Variants in RP1 observed in about 807,000 individuals in gnomAD.
The protein encoded by RP1 is oxygen-regulated protein 1.
A neutral mutation model predicts 14.8 loss-of-function variants in RP1; 16 were observed. That is an observed-to-expected ratio of 1.08 (90% CI 0.73 to 1.65). The LOEUF is 1.65. Among genes scored for constraint, RP1 ranks in the 40% most tolerant of loss-of-function variants. The pLI, the probability that RP1 is intolerant of heterozygous loss-of-function variation, is 0.00. For missense variants in RP1, 2,631 were observed against 2,535.0 expected, an observed-to-expected ratio of 1.04 and a Z score of -0.81; for synonymous variants, 876 against 883.6, an observed-to-expected ratio of 0.99 and a Z score of 0.15.
At chr8:54,655,695 CA>C (rs1186409391) in intron 5 of RP1, among the ~76,000 whole-genome samples, 3 of 152,228 alleles carry the variant, frequency 2.0e-5, no homozygotes, top group South Asian at 4.2e-4. Context: ...CCATGTTTGA[CA>C]TAAACATTTC....
chr8:54,631,658 G>A (rs974670964), downstream of RP1, among the ~76,000 whole-genome samples: 6 of 150,828 alleles, frequency 4.0e-5, no homozygotes, highest in African/African-American at 1.2e-4. Flanking sequence ...GAAAATCAAT[G>A]CTCTTTTTAC....
At chr8:54,817,137 A>G (rs1437874904) in intron 24 of RP1, among the ~76,000 whole-genome samples, 2 of 152,064 alleles carry the variant, frequency 1.3e-5, no homozygotes, top group Non-Finnish European at 2.9e-5. Context: ...TTGTCTCATT[A>G]GACATCTCTG....
chr8:54,589,745 C>A (rs1170782239), intron 1 of RP1, among the ~76,000 whole-genome samples: 1 of 152,114 alleles, frequency 6.6e-6, no homozygotes, highest in African/African-American at 2.4e-5. Flanking sequence ...TTTTCCCCAC[C>A]AAATATGCAT....
Position 54,625,321 on chromosome 8 carries a change from T to C in RP1, c.1439T>C (p.Ile480Thr), listed in dbSNP as rs753472746. ...VSETEVQEKM[I>T]GQFSYSEERE... Reference sequence around the variant, plus strand: ...GAAACTGAGGTTCAAGAGAAAATGATTGGACAGTTTTCATATAGTGAAGAA... The same window carrying C: ...GAAACTGAGGTTCAAGAGAAAATGACTGGACAGTTTTCATATAGTGAAGAA... The change falls in exon 4 of 4, where the codon ATT becomes ACT. Residue 480 changes from isoleucine to threonine, a missense_variant. Physicochemically the swap from Ile to Thr is moderately conservative, Grantham distance 89. Transcript: ENST00000220676. The C allele has an allele frequency of 6.8e-6, 11 of 1,614,044 alleles. No individual in the cohort carries two copies. The highest frequency in any genetic ancestry group is 6.6e-5 in the South Asian group (6 of 91,082).
chr8:54,833,576 AG>A (rs1811588158), intron 24 of RP1, among the ~76,000 whole-genome samples: 1 of 152,062 alleles, frequency 6.6e-6, no homozygotes, highest in South Asian at 2.1e-4. Flanking sequence ...TGTTAGAAAA[AG>A]TTAAAGATCC....
intron 1 of RP1, among the ~76,000 whole-genome samples, chr8:54,605,974 G>T (rs1805430893): frequency 6.6e-6 from 1 of 151,386 alleles, no homozygotes; most frequent in Non-Finnish European, 1.5e-5. Flanking sequence ...ACAGCACACT[G>T]ATGGGTCTTG....
chr8:54,855,608 G>A (rs1357612772), intron 26 of RP1, among the ~76,000 whole-genome samples: 1 of 152,154 alleles, frequency 6.6e-6, no homozygotes, highest in East Asian at 1.9e-4. Flanking sequence ...CAAAAGACTT[G>A]TTTGCAGACT....
At chr8:54,668,493 A>G (rs970344615) in intron 7 of RP1, among the ~76,000 whole-genome samples, 1 of 152,198 alleles carries the variant, frequency 6.6e-6, no homozygotes, top group Non-Finnish European at 1.5e-5. Context: ...TCAAGCTACT[A>G]ATGACTTTCT....
chr8:54,731,910 C>T (rs901781461), intron 17 of RP1, among the ~76,000 whole-genome samples: 1 of 152,126 alleles, frequency 6.6e-6, no homozygotes, highest in Non-Finnish European at 1.5e-5. Context: ...TCAGTCTGTC[C>T]CTGCTACAGT....
At chr8:54,575,360 T>C (rs912190316) in intron 1 of RP1, among the ~76,000 whole-genome samples, 4 of 151,716 alleles carry the variant, frequency 2.6e-5, no homozygotes, top group African/African-American at 9.7e-5. Context: ...ACAAACAATG[T>C]CTATTTCTTT....
chr8:54,588,123 C>T (rs1804972396), intron 1 of RP1, among the ~76,000 whole-genome samples: 1 of 152,162 alleles, frequency 6.6e-6, no homozygotes, highest in African/African-American at 2.4e-5. Context: ...GTGACTATAA[C>T]TGCAAATTAT....
chr8:54,621,596 G>T lies in RP1; in HGVS notation c.615+15G>T, dbSNP rs1174708113. On this transcript the variant is annotated intron_variant, in intron 2 of 3. Transcript: ENST00000220676. Reference sequence around the variant, plus strand: ...ACGGAAGGAGGGTGAGCGTTCTGGGGGCTCCTCGAGCCTGAGCTCATTTTG... The same window carrying T: ...ACGGAAGGAGGGTGAGCGTTCTGGGTGCTCCTCGAGCCTGAGCTCATTTTG... 2 of 1,613,962 alleles carry T rather than the reference G, an allele frequency of 1.2e-6. No homozygotes were observed. The highest frequency in any genetic ancestry group is 4.5e-5 in the East Asian group (2 of 44,842).
At chr8:54,774,644 T>C (rs1809990867), downstream of RP1, among the ~76,000 whole-genome samples, 1 of 152,182 alleles carries the variant, frequency 6.6e-6, no homozygotes, top group African/African-American at 2.4e-5. Flanking sequence ...AAATAGCTAG[T>C]GTTTAGTTTT....
intron 20 of RP1, chr8:54,755,505 A>G (rs1809481746): frequency 3.1e-6 from 3 of 966,284 alleles, no homozygotes; most frequent in Non-Finnish European, 1.5e-6. Flanking sequence ...AGGAATTCTC[A>G]TATATGTTTT....
chr8:54,586,069 T>C (rs1160513605), intron 1 of RP1, among the ~76,000 whole-genome samples: 3 of 151,918 alleles, frequency 2.0e-5, no homozygotes, highest in Admixed American at 6.6e-5. Context: ...GGAGGAGAGG[T>C]GCTCTCATTT....
chr8:54,843,063 G>T (rs1012642412), intron 25 of RP1, among the ~76,000 whole-genome samples: 9 of 151,976 alleles, frequency 5.9e-5, no homozygotes, highest in Non-Finnish European at 7.4e-5. Context: ...TACTTCTTTT[G>T]TGTGTGTGTG....
chr8:54,848,785 G>A (rs1811989361), intron 25 of RP1, among the ~76,000 whole-genome samples: 1 of 152,144 alleles, frequency 6.6e-6, no homozygotes, highest in Non-Finnish European at 1.5e-5. Flanking sequence ...GTATCACTCT[G>A]TTGCCCAGGC....
At chr8:54,712,544 G>A (rs1032216530) in intron 15 of RP1, among the ~76,000 whole-genome samples, 5 of 152,116 alleles carry the variant, frequency 3.3e-5, no homozygotes, top group African/African-American at 9.7e-5. Context: ...GCCTAAAGGA[G>A]CACTCTGAGC....
intron 24 of RP1, among the ~76,000 whole-genome samples, chr8:54,828,169 A>G (rs1344000529): frequency 6.6e-6 from 1 of 152,202 alleles, no homozygotes; most frequent in African/African-American, 2.4e-5. Context: ...ATAAGTGGAA[A>G]TATACTCTAA....
Sources: gnomAD v4.1 joint callset for allele counts (sites outside exome capture counted in the v4.1 genomes callset) on GRCh38, gnomAD v4.1.1 for gene constraint, MANE v1.5 for transcripts, NCBI Gene and HGNC (gene_info 2026-07-23, HGNC 2026-07-21) for gene names.